The following FNDC3B variants were observed in gnomAD, a reference collection of about 807,000 sequenced individuals.
FNDC3B encodes fibronectin type III domain containing 3B.
A neutral mutation model predicts 151.5 loss-of-function variants in FNDC3B; 12 were observed. That is an observed-to-expected ratio of 0.08 (90% CI 0.05 to 0.13). FNDC3B has a LOEUF of 0.13. FNDC3B is among the 10% of genes least tolerant of loss of function. The pLI is 1.00. For missense variants in FNDC3B, 1,214 were observed against 1,505.3 expected, an observed-to-expected ratio of 0.81 and a Z score of 3.20; for synonymous variants, 528 against 549.0, an observed-to-expected ratio of 0.96 and a Z score of 0.54.
intron 23 of FNDC3B, among the ~76,000 whole-genome samples, chr3:172,371,464 G>A (rs1259189580): frequency 2.0e-5 from 3 of 152,104 alleles, no homozygotes; most frequent in South Asian, 2.1e-4. Flanking sequence ...AAACTCATGC[G>A]TGCTTATTGC....
intron 16 of FNDC3B, chr3:172,337,736 G>A (rs961101083): frequency 5.0e-5 from 14 of 279,972 alleles, no homozygotes; most frequent in Non-Finnish European, 8.9e-5. Flanking sequence ...ACAGGCTGGA[G>A]GGCAGTGGCA....
At chr3:172,128,415 T>C (rs990299216) in intron 2 of FNDC3B, among the ~76,000 whole-genome samples, 3 of 152,194 alleles carry the variant, frequency 2.0e-5, no homozygotes, top group Non-Finnish European at 2.9e-5. Context: ...AAGAGGGGGC[T>C]CAAAACACAA....
intron 1 of FNDC3B, among the ~76,000 whole-genome samples, chr3:172,059,975 G>A (rs1324113365): frequency 6.6e-6 from 1 of 152,198 alleles, no homozygotes; most frequent in Non-Finnish European, 1.5e-5. Context: ...AAATCTTCCA[G>A]CCTTCAGCTT....
At chr3:172,067,075 T>G (rs1007008183) in intron 1 of FNDC3B, among the ~76,000 whole-genome samples, 8 of 152,332 alleles carry the variant, frequency 5.3e-5, no homozygotes, top group African/African-American at 1.9e-4. Flanking sequence ...ACTTGGTTCT[T>G]TCTCCTGTGC....
chr3:172,181,855 T>G (rs1270792895), intron 3 of FNDC3B, among the ~76,000 whole-genome samples: 3 of 149,786 alleles, frequency 2.0e-5, no homozygotes, highest in Non-Finnish European at 4.4e-5. Context: ...AAAAAAAGAT[T>G]TTCAGTGGGA....
intron 21 of FNDC3B, among the ~76,000 whole-genome samples, chr3:172,349,585 G>A (rs1395471821): frequency 6.6e-6 from 1 of 152,122 alleles, no homozygotes; most frequent in African/African-American, 2.4e-5. Flanking sequence ...AAAGAACATT[G>A]GAAGAATTGG....
chr3:172,210,273 T>C (rs1050047308), intron 3 of FNDC3B, among the ~76,000 whole-genome samples: 5 of 152,274 alleles, frequency 3.3e-5, no homozygotes, highest in Admixed American at 2.6e-4. Flanking sequence ...CTACCACTGC[T>C]ATCATTATGA....
Position 172,101,500 on chromosome 3 carries a change from T to C in FNDC3B, c.-28-10952T>C, listed in dbSNP as rs148493704. Among the ~76,000 whole-genome samples the C allele has an allele frequency of 5.2e-3, 788 of 152,382 alleles. 6 individuals are homozygous for C. The highest frequency in any genetic ancestry group is 8.4e-3 in the Non-Finnish European group (573 of 68,040). Reference sequence around the variant, plus strand: ...TAACACAATGGTTGATTACCTTTTTTCAAGTTCTTTTGTTTGATGTTATTT... The same window carrying C: ...TAACACAATGGTTGATTACCTTTTTCCAAGTTCTTTTGTTTGATGTTATTT... On this transcript the variant is annotated intron_variant, in intron 1 of 25. Transcript: ENST00000415807.
chr3:172,343,797 C>G (rs1031074771), intron 18 of FNDC3B, among the ~76,000 whole-genome samples: 6 of 152,082 alleles, frequency 3.9e-5, no homozygotes, highest in African/African-American at 1.4e-4. Context: ...CTTCCATTTA[C>G]CTAGCATTAG....
chr3:172,384,773 T>C (rs780949877), intron 25 of FNDC3B, among the ~76,000 whole-genome samples: 2 of 152,234 alleles, frequency 1.3e-5, no homozygotes, highest in Non-Finnish European at 2.9e-5. Flanking sequence ...GCAGATGATC[T>C]CTTTTGAATG....
At chr3:172,317,278 G>C (rs1158813948) in intron 11 of FNDC3B, 4 of 364,932 alleles carry the variant, frequency 1.1e-5, no homozygotes, top group African/African-American at 2.2e-5. Flanking sequence ...CTGCCTCCCG[G>C]GTTCACGCCT....
chr3:172,181,117 C>CTGGTG (rs146009066), intron 3 of FNDC3B, among the ~76,000 whole-genome samples: 49,445 of 95,640 alleles, frequency 0.52, 8,704 homozygotes, highest in Middle Eastern at 0.54. Flanking sequence ...AGATGACAGC[C>CTGGTG]TGGTGTGGTG....
At chr3:172,056,690 G>A (rs1294764473) in intron 1 of FNDC3B, among the ~76,000 whole-genome samples, 1 of 152,188 alleles carries the variant, frequency 6.6e-6, no homozygotes, top group Non-Finnish European at 1.5e-5. Context: ...AGCTGCTGCT[G>A]TTTTATTATT....
At chr3:172,114,320 G>GA (rs368681307) in intron 2 of FNDC3B, among the ~76,000 whole-genome samples, 21 of 146,498 alleles carry the variant, frequency 1.4e-4, no homozygotes, top group South Asian at 2.2e-4. Context: ...CTAATACAAA[G>GA]AAAAAAAAAA....
chr3:172,368,107 A>C (rs1734716881), intron 23 of FNDC3B, among the ~76,000 whole-genome samples: 1 of 152,026 alleles, frequency 6.6e-6, no homozygotes, highest in South Asian at 2.1e-4. Flanking sequence ...CTTTCTCTAA[A>C]ACAATTTTTA....
At chr3:172,324,943 G>A (rs1224383276) in intron 11 of FNDC3B, among the ~76,000 whole-genome samples, 2 of 152,226 alleles carry the variant, frequency 1.3e-5, no homozygotes, top group Admixed American at 6.5e-5. Context: ...GCAGAGAAGC[G>A]GAGTGCAGCT....
intron 1 of FNDC3B, among the ~76,000 whole-genome samples, chr3:172,060,438 T>C (rs1717142181): frequency 6.6e-6 from 1 of 152,084 alleles, no homozygotes; most frequent in Non-Finnish European, 1.5e-5. Context: ...TTACTTACCA[T>C]GGTGAGAGAA....
chr3:172,391,287 A>G (rs1735994441), intron 25 of FNDC3B, among the ~76,000 whole-genome samples: 2 of 152,234 alleles, frequency 1.3e-5, no homozygotes, highest in Non-Finnish European at 2.9e-5. Context: ...AGCATTTTCC[A>G]CATCCATTTT....
intron 3 of FNDC3B, among the ~76,000 whole-genome samples, chr3:172,169,989 C>T (rs1412735302): frequency 6.6e-6 from 1 of 152,156 alleles, no homozygotes; most frequent in Non-Finnish European, 1.5e-5. Flanking sequence ...GGTTTCTGTC[C>T]CGTCCTCTGC....
Sources: allele counts gnomAD v4.1 joint callset (sites outside exome capture counted in the v4.1 genomes callset), GRCh38; gene constraint gnomAD v4.1.1; transcripts MANE v1.5; gene names NCBI Gene and HGNC (gene_info 2026-07-23, HGNC 2026-07-21).